ABTB2: variants seen among roughly 807,000 people sequenced by gnomAD.
ABTB2 encodes ankyrin repeat and BTB/POZ domain-containing protein 2.
A neutral mutation model predicts 104.1 loss-of-function variants in ABTB2; 56 were observed. The observed-to-expected ratio is 0.54, with a 90% CI of 0.43 to 0.67. The LOEUF (loss-of-function observed/expected upper bound fraction) is 0.67, where lower values mean the gene tolerates loss of function less well. Among genes scored for constraint, ABTB2 ranks in the 30% least tolerant of loss-of-function variants. The pLI, the probability that ABTB2 is intolerant of heterozygous loss-of-function variation, is 0.00. For missense variants in ABTB2, 1,279 were observed against 1,407.7 expected, an observed-to-expected ratio of 0.91 and a Z score of 1.46; for synonymous variants, 606 against 608.2, an observed-to-expected ratio of 1.00 and a Z score of 0.05.
intron 1 of ABTB2, chr11:34,336,110 ATTT>A (rs1855190865): frequency 3.6e-6 from 1 of 277,626 alleles, no homozygotes; most frequent in Non-Finnish European, 6.8e-6. Flanking sequence ...GCCATCCAAT[ATTT>A]GTTTTTAATT....
chr11:34,261,058 G>A (rs1854182435), intron 1 of ABTB2, among the ~76,000 whole-genome samples: 1 of 152,256 alleles, frequency 6.6e-6, no homozygotes, highest in Admixed American at 6.5e-5. Flanking sequence ...GGGAGGCAGA[G>A]GTTGTAGTGA....
intron 1 of ABTB2, among the ~76,000 whole-genome samples, chr11:34,337,525 G>A (rs1231356699): frequency 6.6e-6 from 1 of 152,230 alleles, no homozygotes; most frequent in African/African-American, 2.4e-5. Flanking sequence ...AAAACTTTCA[G>A]CATGGAAAAC....
rs537667205 is a variant in ABTB2, at chr11:34,313,661, C to T, written c.883+43040G>A. Among the ~76,000 whole-genome samples the T allele has an allele frequency of 5.9e-5, 9 of 152,230 alleles. No individual in the cohort carries two copies. In the East Asian group the frequency reaches 1.2e-3, roughly 20 times the overall value. The stretch of plus-strand genomic sequence containing the variant: ...GTAGACGGTGATATCAGCCATGCCA[C>T]GAAAGTGGGAGAGATGCCACTGGGA... On this transcript the variant is annotated intron_variant, in intron 1 of 16. Transcript: ENST00000435224.
At chr11:34,292,430 C>A (rs1404030741) in intron 1 of ABTB2, among the ~76,000 whole-genome samples, 1 of 152,182 alleles carries the variant, frequency 6.6e-6, no homozygotes, top group Admixed American at 6.5e-5. Flanking sequence ...AGATGGCAGC[C>A]TTCACAGACC....
intron 1 of ABTB2, among the ~76,000 whole-genome samples, chr11:34,345,290 A>G (rs982573201): frequency 1.3e-5 from 2 of 152,038 alleles, no homozygotes; most frequent in Non-Finnish European, 2.9e-5. Flanking sequence ...AATGCTTGCT[A>G]TTCCCTCTGC....
chr11:34,276,116 T>C (rs1257931921), intron 1 of ABTB2, among the ~76,000 whole-genome samples: 1 of 152,068 alleles, frequency 6.6e-6, no homozygotes, highest in Non-Finnish European at 1.5e-5. Flanking sequence ...GTCACAGTCT[T>C]TGTTTCTTAG....
At chr11:34,273,743 G>A (rs963110991) in intron 1 of ABTB2, among the ~76,000 whole-genome samples, 8 of 152,100 alleles carry the variant, frequency 5.3e-5, no homozygotes, top group Admixed American at 2.6e-4. Flanking sequence ...CTGGGGCAAC[G>A]ATCTAGAAAA....
chr11:34,182,317 G>T (rs1205522962), intron 3 of ABTB2, among the ~76,000 whole-genome samples: 1 of 152,206 alleles, frequency 6.6e-6, no homozygotes, highest in Non-Finnish European at 1.5e-5. Flanking sequence ...TTCTAGAACT[G>T]CTGGGTAAAC....
intron 1 of ABTB2, among the ~76,000 whole-genome samples, chr11:34,208,165 G>A (rs187541608): frequency 1.4e-3 from 206 of 152,194 alleles, no homozygotes; most frequent in South Asian, 6.4e-3. Context: ...TTAACACCTC[G>A]ATGTGTTCCT....
intron 3 of ABTB2, among the ~76,000 whole-genome samples, chr11:34,196,172 A>G (rs984990449): frequency 6.6e-6 from 1 of 152,212 alleles, no homozygotes; most frequent in Admixed American, 6.5e-5. Context: ...GCCAGCATAT[A>G]CAATGTTTGG....
rs374914955 is a variant in ABTB2, at chr11:34,152,452, G to A, written c.3013C>T (p.Leu1005=). 3.7e-5 allele frequency: 60 copies of A among 1,600,460 alleles called. No individual in the cohort carries two copies. The highest frequency in any genetic ancestry group is 3.5e-4 in the African/African-American group (26 of 74,950). ...RSSKVQGLDP[L]QDLQNTLAER... ...GCCAGGGTGTTCTGCAGGTCCTGCA[G>A]TGGATCCAGGCCCTGCACTTTGCTG... is the stretch of plus-strand genomic sequence containing the variant. The change falls in exon 17 of 17, where the codon CTG becomes TTG. Residue 1005 remains leucine (L), a synonymous_variant. Coordinates refer to ENST00000435224, the MANE Select transcript of ABTB2 (RefSeq NM_145804.3).
At chr11:34,326,041 C>T (rs1180381315) in intron 1 of ABTB2, among the ~76,000 whole-genome samples, 1 of 148,796 alleles carries the variant, frequency 6.7e-6, no homozygotes, top group Non-Finnish European at 1.5e-5. Flanking sequence ...TAAATGTTTA[C>T]TAAATGAATG....
intron 7 of ABTB2, 117 bp from the exon 8 acceptor site, chr11:34,165,473 C>T (rs1852786970): frequency 6.9e-6 from 5 of 727,640 alleles, no homozygotes; most frequent in Non-Finnish European, 1.1e-5. Context: ...GACCAAGACA[C>T]AGTTCACCCC....
intron 1 of ABTB2, among the ~76,000 whole-genome samples, chr11:34,323,746 C>T (rs768104303): frequency 1.3e-5 from 2 of 152,154 alleles, no homozygotes; most frequent in East Asian, 3.8e-4. Context: ...GTATAGCTTG[C>T]ACAATCTTTC....
chr11:34,174,937 CGGGCAGGCAGCCAG>C (rs1776640170), intron 3 of ABTB2, among the ~76,000 whole-genome samples: 1 of 152,100 alleles, frequency 6.6e-6, no homozygotes, highest in African/African-American at 2.4e-5. Context: ...AGCCAGGGAG[CGGGCAGGCAGCCAG>C]GGGCAGGCGG....
At chr11:34,153,886 T>C (rs866354205) in intron 16 of ABTB2, among the ~76,000 whole-genome samples, 1 of 152,214 alleles carries the variant, frequency 6.6e-6, no homozygotes, top group Non-Finnish European at 1.5e-5. Flanking sequence ...AACTGAGCAG[T>C]GACCATGTTG....
chr11:34,335,061 G>C (rs1855177241), intron 1 of ABTB2: 1 of 811,590 alleles, frequency 1.2e-6, no homozygotes, highest in African/African-American at 1.7e-5. Flanking sequence ...AGTGTTTATA[G>C]ATCAACCCAA....
At chr11:34,165,386 G>T in intron 7 of ABTB2, 30 bp from the exon 8 acceptor site, 1 of 1,556,586 alleles carries the variant, frequency 6.4e-7, no homozygotes. Flanking sequence ...GGAGGGCACT[G>T]CTCAGCGTGG....
chr11:34,294,312 C>T (rs1160358814), intron 1 of ABTB2, among the ~76,000 whole-genome samples: 2 of 152,120 alleles, frequency 1.3e-5, no homozygotes, highest in East Asian at 1.9e-4. Flanking sequence ...GCTTGGGCAA[C>T]AGAGCGAGAC....
Sources: gnomAD v4.1 joint callset for allele counts (sites outside exome capture counted in the v4.1 genomes callset) on GRCh38, gnomAD v4.1.1 for gene constraint, MANE v1.5 for transcripts, NCBI Gene and HGNC (gene_info 2026-07-23, HGNC 2026-07-21) for gene names.